NSUN3: variants seen among roughly 807,000 people sequenced by gnomAD.
NSUN3 encodes the protein NOP2/Sun RNA methyltransferase 3.
NSUN3 carries 24 observed loss-of-function variants against 36.8 expected under a neutral mutation model. The observed-to-expected ratio is 0.65, with a 90% CI of 0.47 to 0.92. The LOEUF is 0.92. Ranked by LOEUF, NSUN3 falls within the 40% of genes least tolerant of loss-of-function variation. The pLI is 0.00. For synonymous variants in NSUN3, 146 were observed against 145.2 expected (o/e 1.01, Z -0.04); for missense variants, 381 against 392.8 (o/e 0.97, Z 0.25).
At chr3:94,098,924 C>T (rs1001656063) in intron 5 of NSUN3, among the ~76,000 whole-genome samples, 6 of 152,030 alleles carry the variant, frequency 3.9e-5, no homozygotes, top group African/African-American at 1.2e-4. Context: ...TTATCTAGTA[C>T]GTGCCTCTCT....
At chr3:94,094,005 A>G (rs2077327159) in intron 3 of NSUN3, 135 bp from the exon 4 acceptor site, 2 of 645,610 alleles carry the variant, frequency 3.1e-6, no homozygotes, top group African/African-American at 3.7e-5. Context: ...ATAAGAAAAT[A>G]ATAATGTTTA....
At chr3:94,075,452 G>A (rs2077241956) in intron 2 of NSUN3, among the ~76,000 whole-genome samples, 1 of 152,102 alleles carries the variant, frequency 6.6e-6, no homozygotes, top group South Asian at 2.1e-4. Context: ...GGATTTTCAG[G>A]TAGGAATCTA....
chr3:94,079,990 C>A (rs2077261148), intron 2 of NSUN3, among the ~76,000 whole-genome samples: 1 of 152,114 alleles, frequency 6.6e-6, no homozygotes, highest in South Asian at 2.1e-4. Context: ...AGTTGTGATC[C>A]TTTGGAGGAG....
intron 5 of NSUN3, among the ~76,000 whole-genome samples, chr3:94,123,048 A>G (rs986755575): frequency 6.6e-6 from 1 of 152,240 alleles, no homozygotes; most frequent in Non-Finnish European, 1.5e-5. Context: ...AATCAGATAG[A>G]TGAGACAAGT....
intron 3 of NSUN3, among the ~76,000 whole-genome samples, chr3:94,092,037 A>C (rs2077317105): frequency 6.6e-6 from 1 of 152,246 alleles, no homozygotes; most frequent in Non-Finnish European, 1.5e-5. Flanking sequence ...GGTGACAAGC[A>C]GAGATCACCT....
chr3:94,068,807 CAT>C (rs1336510736), intron 2 of NSUN3, among the ~76,000 whole-genome samples: 3 of 137,530 alleles, frequency 2.2e-5, no homozygotes, highest in South Asian at 2.3e-4. Flanking sequence ...CACACACACA[CAT>C]ACACACACAC....
intron 5 of NSUN3, among the ~76,000 whole-genome samples, chr3:94,121,126 G>T (rs540345890): frequency 2.1e-4 from 32 of 152,264 alleles, no homozygotes; most frequent in Non-Finnish European, 4.3e-4. Context: ...TTACCTTTGC[G>T]CTTCTGGAGG....
intron 5 of NSUN3, among the ~76,000 whole-genome samples, chr3:94,102,215 A>C (rs2077368813): frequency 6.6e-6 from 1 of 151,184 alleles, no homozygotes; most frequent in Non-Finnish European, 1.5e-5. Flanking sequence ...AAAAAAAAAA[A>C]AAAAAAAAAA....
chr3:94,069,011 A>AT (rs927855681), intron 2 of NSUN3, among the ~76,000 whole-genome samples: 13 of 152,230 alleles, frequency 8.5e-5, no homozygotes, highest in Admixed American at 2.6e-4. Context: ...AGAACAATTG[A>AT]TAGGTATCTT....
At chr3:94,086,886 C>T (rs1173444728) in intron 3 of NSUN3, among the ~76,000 whole-genome samples, 4 of 152,120 alleles carry the variant, frequency 2.6e-5, no homozygotes, top group African/African-American at 9.7e-5. Context: ...CTAATTAATT[C>T]AGGATATGGA....
At chr3:94,104,982 T>G (rs2077382927) in intron 5 of NSUN3, among the ~76,000 whole-genome samples, 1 of 152,218 alleles carries the variant, frequency 6.6e-6, no homozygotes, top group Admixed American at 6.5e-5. Context: ...TGAAAAGCTT[T>G]TAATGGATAT....
chr3:94,086,952 G>A (rs982829805), intron 3 of NSUN3, among the ~76,000 whole-genome samples: 3 of 152,218 alleles, frequency 2.0e-5, no homozygotes, highest in Non-Finnish European at 4.4e-5. Context: ...CCATTTTGAA[G>A]AGAGGGCATT....
At chr3:94,066,218 T>C (rs1322820995) in intron 2 of NSUN3, among the ~76,000 whole-genome samples, 1 of 152,100 alleles carries the variant, frequency 6.6e-6, no homozygotes, top group Non-Finnish European at 1.5e-5. Flanking sequence ...CTCAAATCCA[T>C]TTAATTAGCT....
At position 94,123,065 on chromosome 3, in the gene NSUN3, C is replaced by G. The variant is rs923950662; in HGVS notation, c.744-3146C>G. 2.0e-5 allele frequency among the ~76,000 whole-genome samples: 3 copies of G among 152,086 alleles called. No homozygotes were observed. The East Asian group carries it at 5.8e-4, about 29-fold the overall frequency. On this transcript the variant is annotated intron_variant, in intron 5 of 5. Transcript: ENST00000314622. Reference sequence around the variant, plus strand: ...TCAGATAGATGAGACAAGTTGATCTCTCCCTTTCCCTCCCAATTATGTATA... The same window carrying G: ...TCAGATAGATGAGACAAGTTGATCTGTCCCTTTCCCTCCCAATTATGTATA...
chr3:94,110,769 C>CAT (rs781722436), intron 5 of NSUN3, among the ~76,000 whole-genome samples: 27 of 147,294 alleles, frequency 1.8e-4, no homozygotes, highest in African/African-American at 2.7e-4. Flanking sequence ...CACACACACG[C>CAT]ATATATATAT....
Position 94,064,444 on chromosome 3 carries a change from C to G in NSUN3, c.20C>G (p.Ala7Gly). ...TTTTTCTTATCGTCATAGCTGAAAG[C>G]AAAATCAGAGGGGAAGCTTGCAAAA... MLTQLK[A>G]KSEGKLAKQI... Residue 7 changes from alanine (A) to glycine (G), a missense_variant, in exon 2 of 6, where the codon GCA (alanine) becomes GGA (glycine). Transcript: ENST00000314622. 1 of 1,611,622 alleles carries G rather than the reference C, an allele frequency of 6.2e-7. No individual in the cohort carries two copies. The highest frequency in any genetic ancestry group is 8.5e-7 in the Non-Finnish European group (1 of 1,177,984).
intron 5 of NSUN3, among the ~76,000 whole-genome samples, chr3:94,100,450 A>T (rs2077360345): frequency 6.6e-6 from 1 of 152,192 alleles, no homozygotes; most frequent in Non-Finnish European, 1.5e-5. Flanking sequence ...TAGCATATAA[A>T]GGTGGTTACT....
chr3:94,111,708 A>G (rs948701048), intron 5 of NSUN3, among the ~76,000 whole-genome samples: 1 of 152,108 alleles, frequency 6.6e-6, no homozygotes. Context: ...GTCTTATCCC[A>G]CTGGAAGGTC....
chr3:94,086,969 C>G lies in NSUN3; in HGVS notation c.466+2519C>G, dbSNP rs561772935. ...ATTTTGAAGAGAGGGCATTTTAATTCTAAATTATCCTCATTAGTAGGCTAT... is the reference window on the plus strand; with the variant it reads ...ATTTTGAAGAGAGGGCATTTTAATTGTAAATTATCCTCATTAGTAGGCTAT... On this transcript the variant is annotated intron_variant, in intron 3 of 5. Coordinates refer to ENST00000314622, the MANE Select transcript of NSUN3 (RefSeq NM_022072.5). 5.9e-5 allele frequency among the ~76,000 whole-genome samples: 9 copies of G among 152,208 alleles called. No individual in the cohort carries two copies. The South Asian group carries it at 1.2e-3, about 21-fold the overall frequency.
Sources: allele counts gnomAD v4.1 joint callset (sites outside exome capture counted in the v4.1 genomes callset), GRCh38; gene constraint gnomAD v4.1.1; transcripts MANE v1.5; gene names NCBI Gene and HGNC (gene_info 2026-07-23, HGNC 2026-07-21).